Variants in IRF2 observed in about 807,000 individuals in gnomAD.
The protein encoded by IRF2 is interferon regulatory factor 2.
A neutral mutation model predicts 40.6 loss-of-function variants in IRF2; 15 were observed. The observed-to-expected ratio is 0.37, with a 90% CI of 0.25 to 0.57. IRF2 has a LOEUF of 0.57. Ranked by LOEUF, IRF2 falls within the 20% of genes least tolerant of loss-of-function variation. IRF2 has a pLI of 0.77. For missense variants in IRF2, 317 were observed against 455.7 expected, an observed-to-expected ratio of 0.70 and a Z score of 2.77; for synonymous variants, 151 against 165.5, an observed-to-expected ratio of 0.91 and a Z score of 0.67.
intron 7 of IRF2, among the ~76,000 whole-genome samples, chr4:184,395,331 T>C: frequency 7.3e-6 from 1 of 137,700 alleles, no homozygotes; most frequent in Admixed American, 8.4e-5. Flanking sequence ...GAGAATGGCG[T>C]GAACCCGGGA....
In IRF2 at chr4:184,466,067, G is replaced by GTT. The variant is rs58390493; in HGVS notation, c.-7+8310_-7+8311dup. ...CCCATCTGGTTGTTTTTTGTTTTTT[G>GTT]TTTTTTTTTTGAGATGAAGTCTCAC... On this transcript the variant is annotated intron_variant, in intron 1 of 8. Transcript: ENST00000393593. Among the ~76,000 whole-genome samples the GTT allele has an allele frequency of 7.5e-5, 11 of 147,324 alleles. 1 individual carries two copies. In the East Asian group the frequency reaches 2.0e-3, roughly 27 times the overall value.
chr4:184,467,164 G>C (rs1284767652), intron 1 of IRF2, among the ~76,000 whole-genome samples: 1 of 152,182 alleles, frequency 6.6e-6, no homozygotes, highest in Non-Finnish European at 1.5e-5. Flanking sequence ...CCCACAGTCA[G>C]CAGTGGAGGG....
intron 1 of IRF2, among the ~76,000 whole-genome samples, chr4:184,469,514 AC>A (rs1018087382): frequency 1.3e-5 from 2 of 152,176 alleles, no homozygotes; most frequent in African/African-American, 4.8e-5. Context: ...CCGTCTCTAC[AC>A]AAAAATGTAT....
intron 2 of IRF2, 21 bp downstream of exon 2, chr4:184,428,957 C>T: frequency 5.0e-6 from 8 of 1,601,166 alleles, no homozygotes; most frequent in South Asian, 1.1e-5. Context: ...CTCACACATA[C>T]ACCCACCCTG....
intron 1 of IRF2, among the ~76,000 whole-genome samples, chr4:184,466,194 G>A (rs1739313242): frequency 2.6e-5 from 4 of 152,016 alleles, no homozygotes; most frequent in Admixed American, 1.3e-4. Flanking sequence ...GGGACTACAG[G>A]TGCCCGCCAC....
chr4:184,456,614 G>A (rs1278016432), intron 1 of IRF2, among the ~76,000 whole-genome samples: 3 of 152,232 alleles, frequency 2.0e-5, no homozygotes, highest in Non-Finnish European at 2.9e-5. Flanking sequence ...CCCGGCTGAC[G>A]CGCTTTCCTG....
At chr4:184,431,519 G>C (rs973533438) in intron 1 of IRF2, among the ~76,000 whole-genome samples, 1 of 152,218 alleles carries the variant, frequency 6.6e-6, no homozygotes, top group Non-Finnish European at 1.5e-5. Context: ...CTGCCCGCCA[G>C]GGTGGTGACC....
intron 1 of IRF2, among the ~76,000 whole-genome samples, chr4:184,432,615 A>G (rs1416684544): frequency 2.6e-5 from 4 of 152,260 alleles, no homozygotes; most frequent in Non-Finnish European, 4.4e-5. Context: ...CACATAAGAC[A>G]AGGTTATACA....
chr4:184,407,763 A>G lies in IRF2; in HGVS notation c.529+395T>C, dbSNP rs79455510. 3.1e-3 allele frequency among the ~76,000 whole-genome samples: 467 copies of G among 152,312 alleles called. 4 individuals carry two copies. Among genetic ancestry groups the G allele is most frequent in the African/African-American group, 0.011 (446 of 41,562 alleles). On this transcript the variant is annotated intron_variant, in intron 6 of 8. Transcript: ENST00000393593. ...CTTTGGCAACATGTCTCTGTGCCTC[A>G]GTTTCTCTGTCTGCCAGGAAGCAGT...
intron 4 of IRF2, 96 bp downstream of exon 4, chr4:184,418,436 T>TGTTCAAAA (rs1737358350): frequency 8.3e-7 from 1 of 1,211,508 alleles, no homozygotes; most frequent in Non-Finnish European, 1.2e-6. Flanking sequence ...CAGGCTATTC[T>TGTTCAAAA]ACCTGCAAAC....
intron 1 of IRF2, among the ~76,000 whole-genome samples, chr4:184,437,918 C>T (rs1310345687): frequency 6.6e-6 from 1 of 151,820 alleles, no homozygotes; most frequent in Non-Finnish European, 1.5e-5. Flanking sequence ...CCTGGGCACA[C>T]AATAGTCTTT....
chr4:184,457,854 A>AG (rs1418696603), intron 1 of IRF2, among the ~76,000 whole-genome samples: 4 of 151,872 alleles, frequency 2.6e-5, no homozygotes, highest in Non-Finnish European at 4.4e-5. Context: ...CCTTCCAAAA[A>AG]AAAAAGAAAA....
rs1296190971 is a variant in IRF2 at position 184,474,137 on chromosome 4, C to G, written c.-7+242G>C. The G allele has an allele frequency of 6.5e-6, 1 of 154,202 alleles. No homozygotes were observed. The highest frequency in any genetic ancestry group is 6.5e-5 in the Admixed American group (1 of 15,306). The allele number at this position is 154,202 out of a possible 1,614,324, so 9.6% of individuals were successfully genotyped here. A position where few individuals can be genotyped will look rare whatever the true frequency, so the allele number is the denominator to read the frequency against. On this transcript the variant is annotated intron_variant, in intron 1 of 8. Coordinates refer to ENST00000393593, the MANE Select transcript of IRF2 (RefSeq NM_002199.4). The surrounding 1 kb of genome is among the most constrained non-coding windows in gnomAD (Gnocchi z 5.6). Reference sequence around the variant, plus strand: ...CTCCTCCTCCTCCTCGCAGCCTCAGCAGCCCCAGTAGCAGCAGCAACAGCA... The same window carrying G: ...CTCCTCCTCCTCCTCGCAGCCTCAGGAGCCCCAGTAGCAGCAGCAACAGCA...
At chr4:184,422,387 A>G (rs1041882612) in intron 2 of IRF2, among the ~76,000 whole-genome samples, 27 of 152,374 alleles carry the variant, frequency 1.8e-4, no homozygotes, top group African/African-American at 5.8e-4. Flanking sequence ...ATTCCTCAAG[A>G]AAGTGAAACA....
intron 1 of IRF2, among the ~76,000 whole-genome samples, chr4:184,437,364 T>A (rs116162273): frequency 0.052 from 7,938 of 151,912 alleles, 289 homozygotes; most frequent in Middle Eastern, 0.14. Flanking sequence ...CCTAATTTTT[T>A]AAAATATTTT....
At chr4:184,455,301 C>G (rs1448516708) in intron 1 of IRF2, among the ~76,000 whole-genome samples, 1 of 31,948 alleles carries the variant, frequency 3.1e-5, no homozygotes, top group Non-Finnish European at 5.3e-5. Context: ...CCTTCTTCTT[C>G]TTTTTTTTTT....
Position 184,388,552 on chromosome 4 carries a change from A to G in IRF2, c.*206T>C. ...AGCCCTGGGAGATCCAGCAGGCTCT[A>G]GAAACACACGTCTACCAATGGGCTG... On this transcript the variant is annotated 3_prime_UTR_variant, in exon 9 of 9. Transcript: ENST00000393593. This position sits in a 1 kb window ranked among gnomAD's most constrained non-coding sequence, Gnocchi z 4.6. 1 of 563,786 alleles carries G rather than the reference A, an allele frequency of 1.8e-6. No homozygotes were observed. Among genetic ancestry groups the G allele is most frequent in the Non-Finnish European group, 3.1e-6 (1 of 326,754 alleles). The allele number at this position is 563,786 out of a possible 1,614,324, so 34.9% of individuals were successfully genotyped here.
At chr4:184,421,941 T>C (rs558287325) in intron 2 of IRF2, among the ~76,000 whole-genome samples, 2 of 152,246 alleles carry the variant, frequency 1.3e-5, no homozygotes, top group African/African-American at 4.8e-5. Flanking sequence ...TGGTGGACGG[T>C]GTTTGGGTCA....
intron 1 of IRF2, among the ~76,000 whole-genome samples, chr4:184,437,087 G>T (rs1035262508): frequency 1.3e-5 from 2 of 151,834 alleles, no homozygotes; most frequent in South Asian, 4.2e-4. Flanking sequence ...ATGGAGTCTC[G>T]CTCTGTCACC....
Sources: gnomAD v4.1 joint callset for allele counts (sites outside exome capture counted in the v4.1 genomes callset) on GRCh38, gnomAD v4.1.1 for gene constraint, Gnocchi (gnomAD v3.1) non-coding constraint, MANE v1.5 for transcripts, NCBI Gene and HGNC (gene_info 2026-07-23, HGNC 2026-07-21) for gene names.